Variants in AMELX observed in about 807,000 individuals in gnomAD.
AMELX encodes amelogenin, X isoform.
Under a neutral mutation model 15.8 loss-of-function variants are expected in AMELX, and 9 were observed. That is an observed-to-expected ratio of 0.57 (90% CI 0.34 to 0.99). AMELX has a LOEUF of 0.99. Ranked by LOEUF, AMELX falls within the 50% of genes least tolerant of loss-of-function variation. The pLI is 0.02. For missense variants in AMELX, 107 were observed against 156.2 expected (o/e 0.68, Z 1.68); for synonymous variants, 61 against 58.8 (o/e 1.04, Z -0.17).
At chrX:11,305,209 G>A (rs2048225207), downstream of AMELX, among the ~76,000 whole-genome samples, 1 of 110,985 alleles carries the variant, frequency 9.0e-6, no homozygotes, top group African/African-American at 3.3e-5. Context: ...AGCTTGGGGA[G>A]TGGTAGGGGT....
chrX:11,307,534 G>A, the AMELX span, among the ~76,000 whole-genome samples: 1 of 112,143 alleles, frequency 8.9e-6, no homozygotes, highest in Non-Finnish European at 1.9e-5. Flanking sequence ...ACAAATTCAG[G>A]CTCTGCAGGT....
intron 5 of AMELX, among the ~76,000 whole-genome samples, chrX:11,299,637 A>C (rs1375408201): frequency 8.9e-6 from 1 of 112,498 alleles, no homozygotes; most frequent in Non-Finnish European, 1.9e-5. Context: ...AATAGTCAAC[A>C]AAACAAACTT....
At chrX:11,295,081 A>G (rs2048060282) in intron 2 of AMELX, among the ~76,000 whole-genome samples, 1 of 112,072 alleles carries the variant, frequency 8.9e-6, no homozygotes, top group African/African-American at 3.2e-5. Context: ...CATTTTTATA[A>G]GCACCCCAGG....
chrX:11,302,435 T>C (rs1280093546), downstream of AMELX, among the ~76,000 whole-genome samples: 1 of 112,402 alleles, frequency 8.9e-6, no homozygotes, highest in Non-Finnish European at 1.9e-5. Flanking sequence ...TATGAGAATT[T>C]TCTAAGAACT....
At chrX:11,309,262 A>C in the AMELX span, among the ~76,000 whole-genome samples, 5 of 111,377 alleles carry the variant, frequency 4.5e-5, no homozygotes, top group South Asian at 1.9e-3. Flanking sequence ...GGGTTCTTAC[A>C]CCTCAGCAAT....
chrX:11,294,495 G>GA (rs2048048254), intron 1 of AMELX, among the ~76,000 whole-genome samples: 1 of 111,649 alleles, frequency 9.0e-6, no homozygotes, highest in Non-Finnish European at 1.9e-5. Context: ...ATAGGCATAG[G>GA]AAAATGGCAT....
intron 3 of AMELX, among the ~76,000 whole-genome samples, chrX:11,297,773 A>T (rs774668600): frequency 5.3e-5 from 6 of 112,447 alleles, no homozygotes; most frequent in Non-Finnish European, 1.1e-4. Context: ...GATGAGGGAC[A>T]GTGTTTGCAC....
At chrX:11,294,482 T>C (rs747518238) in intron 1 of AMELX, among the ~76,000 whole-genome samples, 4 of 111,989 alleles carry the variant, frequency 3.6e-5, no homozygotes, top group African/African-American at 1.3e-4. Flanking sequence ...GACTAAGGGC[T>C]GTATAGGCAT....
At chrX:11,307,936 T>G in the AMELX span, among the ~76,000 whole-genome samples, 1 of 112,733 alleles carries the variant, frequency 8.9e-6, no homozygotes, top group Non-Finnish European at 1.9e-5. Flanking sequence ...TGAAATCACT[T>G]AACAAACTGT....
At chrX:11,299,071 G>C in intron 5 of AMELX, 98 bp downstream of exon 5, 1 of 1,007,044 alleles carries the variant, frequency 9.9e-7, no homozygotes. Flanking sequence ...CAAGGATCTA[G>C]AGTTGTAGTA....
chrX:11,294,999 A>G (rs1346120488), intron 2 of AMELX, among the ~76,000 whole-genome samples, 157 bp downstream of exon 2: 1 of 112,013 alleles, frequency 8.9e-6, no homozygotes, highest in Non-Finnish European at 1.9e-5. Context: ...GCTTGTTTTA[A>G]AAAGGTATAT....
downstream of AMELX, among the ~76,000 whole-genome samples, chrX:11,300,996 T>C: frequency 8.9e-6 from 1 of 112,047 alleles, no homozygotes; most frequent in African/African-American, 3.2e-5. Context: ...AATGAAAATT[T>C]ATGAATATGT....
At chrX:11,308,177 C>A in the AMELX span, among the ~76,000 whole-genome samples, 1 of 111,994 alleles carries the variant, frequency 8.9e-6, no homozygotes, top group African/African-American at 3.2e-5. Context: ...TGTTAACACA[C>A]AATTCACCAA....
chrX:11,305,493 T>C (rs1486616789), downstream of AMELX, among the ~76,000 whole-genome samples: 1 of 112,570 alleles, frequency 8.9e-6, no homozygotes, highest in Non-Finnish European at 1.9e-5. Context: ...ACAAGAAGCT[T>C]GTCTCCTGTG....
the AMELX span, among the ~76,000 whole-genome samples, chrX:11,308,230 C>T: frequency 8.9e-6 from 1 of 112,068 alleles, no homozygotes; most frequent in African/African-American, 3.2e-5. Flanking sequence ...GCAGCTTTTA[C>T]TTGTAGCTAT....
chrX:11,301,073 T>C (rs1386428406), downstream of AMELX, among the ~76,000 whole-genome samples: 3 of 112,024 alleles, frequency 2.7e-5, no homozygotes, highest in African/African-American at 9.7e-5. Context: ...TTAAGAAAGA[T>C]AAACTTTTGA....
chrX:11,295,474 G>A (rs1569289943), intron 2 of AMELX, among the ~76,000 whole-genome samples: 1 of 111,327 alleles, frequency 9.0e-6, no homozygotes, highest in Non-Finnish European at 1.9e-5. Context: ...TTAAAGATCA[G>A]GACATTAGAC....
the AMELX span, among the ~76,000 whole-genome samples, chrX:11,305,989 C>A: frequency 8.9e-6 from 1 of 111,817 alleles, no homozygotes; most frequent in Non-Finnish European, 1.9e-5. Context: ...ATAACCAACT[C>A]AAGGCACTTC....
At chrX:11,294,652 A>G in intron 1 of AMELX, 125 bp from the exon 2 acceptor site, 2 of 758,511 alleles carry the variant, frequency 2.6e-6, no homozygotes, top group East Asian at 6.3e-5. Context: ...AAGTAAATTC[A>G]CAAACAATGG....
Sources: allele counts gnomAD v4.1 joint callset (sites outside exome capture counted in the v4.1 genomes callset), GRCh38; gene constraint gnomAD v4.1.1; transcripts MANE v1.5; gene names NCBI Gene and HGNC (gene_info 2026-07-23, HGNC 2026-07-21).